The following FTO variants were observed in gnomAD, a reference collection of about 807,000 sequenced individuals.
FTO encodes FTO alpha-ketoglutarate dependent dioxygenase.
A neutral mutation model predicts 63.9 loss-of-function variants in FTO; 47 were observed. That is an observed-to-expected ratio of 0.74 (90% CI 0.58 to 0.94). The LOEUF (loss-of-function observed/expected upper bound fraction) is 0.94. FTO is among the 40% of genes least tolerant of loss of function. The pLI, the probability that FTO is intolerant of heterozygous loss-of-function variation, is 0.00. For synonymous variants in FTO, 207 were observed against 224.4 expected (o/e 0.92, Z 0.69); for missense variants, 562 against 618.1 (o/e 0.91, Z 0.96).
chr16:53,994,948 G>A (rs1469488190), intron 8 of FTO, among the ~76,000 whole-genome samples: 1 of 152,072 alleles, frequency 6.6e-6, no homozygotes, highest in Non-Finnish European at 1.5e-5. Flanking sequence ...TGGCCAGGCT[G>A]GTCTCAAACT....
At chr16:53,951,528 G>C (rs991419795) in intron 8 of FTO, among the ~76,000 whole-genome samples, 2 of 107,312 alleles carry the variant, frequency 1.9e-5, no homozygotes, top group Non-Finnish European at 4.7e-5. Context: ...GCTGTGCGTG[G>C]CACACAAGAT....
At chr16:54,023,369 C>G (rs2084642254) in intron 8 of FTO, among the ~76,000 whole-genome samples, 1 of 152,200 alleles carries the variant, frequency 6.6e-6, no homozygotes, top group South Asian at 2.1e-4. Flanking sequence ...GCCGGTAGAG[C>G]AGTTGAGTGA....
chr16:53,783,611 A>T (rs1305286928), intron 1 of FTO, among the ~76,000 whole-genome samples: 3 of 149,468 alleles, frequency 2.0e-5, no homozygotes, highest in East Asian at 3.9e-4. Context: ...CCATAAAAAA[A>T]AAAAAAAAAA....
rs2075971774 is a variant in FTO at position 53,719,250 on chromosome 16, CTTCTTTTTTTTTTTTT to C, written c.45+15024_45+15039del. Among the ~76,000 whole-genome samples the C allele has an allele frequency of 3.5e-5, 3 of 86,050 alleles. No homozygotes were observed. The South Asian group carries it at 1.0e-3, about 29-fold the overall frequency. The allele number at this position is 86,050 out of a possible 152,430, so 56.5% of individuals were successfully genotyped here. On this transcript the variant is annotated intron_variant, in intron 1 of 8. Coordinates refer to ENST00000471389, the MANE Select transcript of FTO (RefSeq NM_001080432.3). ...ACTTCTTCTTCTTCTTTTTCTTCTT[CTTCTTTTTTTTTTTTT>C]TTTTTTTTTGAGCAGAGTCTTGCTG...
chr16:54,063,741 C>A (rs973567751), intron 8 of FTO: 10 of 144,508 alleles, frequency 6.9e-5, no homozygotes, highest in Admixed American at 1.4e-4. Flanking sequence ...CAGAGGTATG[C>A]GTAGCTATAT....
At chr16:54,064,777 C>T (rs1291382844) in intron 8 of FTO, among the ~76,000 whole-genome samples, 6 of 152,058 alleles carry the variant, frequency 3.9e-5, no homozygotes, top group East Asian at 1.9e-4. Context: ...GGCCTGTATA[C>T]GTGAATTAAA....
At chr16:53,934,591 C>T (rs908554391) in intron 8 of FTO, among the ~76,000 whole-genome samples, 5 of 152,042 alleles carry the variant, frequency 3.3e-5, no homozygotes, top group East Asian at 3.9e-4. Context: ...GTGTGAACCC[C>T]GCAAACCTTG....
At chr16:54,095,533 A>AG (rs1381033705) in intron 8 of FTO, among the ~76,000 whole-genome samples, 1 of 143,128 alleles carries the variant, frequency 7.0e-6, no homozygotes, top group Non-Finnish European at 1.5e-5. Context: ...ATTGTGTGGC[A>AG]GGCAGAGAAT....
At chr16:53,832,271 C>G (rs558706230) in intron 3 of FTO, among the ~76,000 whole-genome samples, 1 of 152,290 alleles carries the variant, frequency 6.6e-6, no homozygotes, top group African/African-American at 2.4e-5. Context: ...ATACAATAAG[C>G]TATACATATT....
At chr16:54,035,865 G>C (rs1874695152) in intron 8 of FTO, among the ~76,000 whole-genome samples, 1 of 152,166 alleles carries the variant, frequency 6.6e-6, no homozygotes, top group African/African-American at 2.4e-5. Context: ...CCCCCTGGCT[G>C]CTGGATATGT....
chr16:53,788,117 A>G (rs2077798464), intron 1 of FTO, among the ~76,000 whole-genome samples: 1 of 152,198 alleles, frequency 6.6e-6, no homozygotes, highest in East Asian at 1.9e-4. Flanking sequence ...TATGTAGAAT[A>G]TGTGCCCTGA....
chr16:54,038,939 G>T (rs1330638503), intron 8 of FTO, among the ~76,000 whole-genome samples: 5 of 152,146 alleles, frequency 3.3e-5, no homozygotes, highest in African/African-American at 1.2e-4. Context: ...ATCTGACTTT[G>T]AATCTGCCCT....
At chr16:53,883,688 A>G (rs1434587596) in intron 6 of FTO, among the ~76,000 whole-genome samples, 2 of 144,988 alleles carry the variant, frequency 1.4e-5, no homozygotes, top group Non-Finnish European at 3.0e-5. Flanking sequence ...GCTGCTTTTG[A>G]TATTATGTGT....
At chr16:54,098,424 C>T (rs1040792820) in intron 8 of FTO, among the ~76,000 whole-genome samples, 4 of 152,114 alleles carry the variant, frequency 2.6e-5, no homozygotes, top group South Asian at 2.1e-4. Flanking sequence ...GCAGGTTACA[C>T]GGAAGTAGTT....
rs1042149456 is a variant in FTO at position 54,119,296 on chromosome 16, C to T, written c.*7381C>T. The T allele has an allele frequency of 9.9e-5, 15 of 152,284 alleles. No homozygotes were observed. The East Asian group carries it at 1.5e-3, about 16-fold the overall frequency. The allele number at this position is 152,284 out of a possible 1,614,324, so 9.4% of individuals were successfully genotyped here. A position where few individuals can be genotyped will look rare whatever the true frequency, so the allele number is the denominator to read the frequency against. On this transcript the variant is annotated 3_prime_UTR_variant, in exon 9 of 9. Transcript: ENST00000471389. ...TGATTATCCTTTCAAATAGGGAATTCGGCTTTCCACGTTGGAACCAGAACA... is the reference window on the plus strand; with the variant it reads ...TGATTATCCTTTCAAATAGGGAATTTGGCTTTCCACGTTGGAACCAGAACA...
chr16:53,782,213 TTAATAA>T (rs2077606571), intron 1 of FTO, among the ~76,000 whole-genome samples: 1 of 152,246 alleles, frequency 6.6e-6, no homozygotes, highest in Non-Finnish European at 1.5e-5. Context: ...CTGCAGTCTC[TTAATAA>T]TGTTTATTGA....
intron 8 of FTO, among the ~76,000 whole-genome samples, chr16:54,080,057 T>C (rs1271147229): frequency 1.3e-5 from 2 of 152,150 alleles, no homozygotes; most frequent in African/African-American, 4.8e-5. Context: ...AGTCATAAGA[T>C]AGTTTTCATG....
At chr16:53,845,669 A>G (rs889544377) in intron 4 of FTO, among the ~76,000 whole-genome samples, 2 of 152,198 alleles carry the variant, frequency 1.3e-5, no homozygotes, top group Non-Finnish European at 1.5e-5. Context: ...AGAGAAACCA[A>G]AACAGTACTA....
intron 8 of FTO, among the ~76,000 whole-genome samples, chr16:53,945,487 A>G (rs2082632982): frequency 6.6e-6 from 1 of 152,216 alleles, no homozygotes; most frequent in African/African-American, 2.4e-5. Context: ...CACTGATACG[A>G]TTCACTTAGT....
Sources: allele counts gnomAD v4.1 joint callset (sites outside exome capture counted in the v4.1 genomes callset), GRCh38; gene constraint gnomAD v4.1.1; transcripts MANE v1.5; gene names NCBI Gene and HGNC (gene_info 2026-07-23, HGNC 2026-07-21).